SGCD: variants seen among roughly 807,000 people sequenced by gnomAD.
SGCD encodes delta-sarcoglycan.
Under a neutral mutation model 36.6 loss-of-function variants are expected in SGCD, and 18 were observed. The ratio of observed to expected loss-of-function variants is 0.49; its 90% CI spans 0.34 to 0.73. The LOEUF is 0.73. Ranked by LOEUF, SGCD falls within the 30% of genes least tolerant of loss-of-function variation. The pLI is 0.01. For missense variants in SGCD, 387 were observed against 346.7 expected (o/e 1.12, Z -0.92); for synonymous variants, 133 against 130.6 (o/e 1.02, Z -0.12).
chr5:156,308,910 T>C (rs1415915406), intron 3 of SGCD, among the ~76,000 whole-genome samples: 1 of 152,236 alleles, frequency 6.6e-6, no homozygotes, highest in Non-Finnish European at 1.5e-5. Context: ...CACTTTTAAA[T>C]GGCAGATTTG....
intron 1 of SGCD, among the ~76,000 whole-genome samples, chr5:156,017,186 G>T (rs928359350): frequency 6.6e-6 from 1 of 152,132 alleles, no homozygotes; most frequent in Admixed American, 6.5e-5. Context: ...TTTGTAAAGT[G>T]TCTTGCCTGC....
rs547511075 is a variant in SGCD, at chr5:156,108,068, C to T, written c.-281-9810C>T. The stretch of plus-strand genomic sequence containing the variant: ...GAATGAAGTACATTGTCTAATTTGA[C>T]GAGTTGGTATATTGTTGGCCATTTA... On this transcript the variant is annotated intron_variant, in intron 1 of 9. Transcript: ENST00000517913. Among the ~76,000 whole-genome samples, 11 of 152,162 alleles carry T rather than the reference C, an allele frequency of 7.2e-5. No homozygotes were observed. In the South Asian group the frequency reaches 1.2e-3, roughly 17 times the overall value.
intron 1 of SGCD, among the ~76,000 whole-genome samples, chr5:156,046,548 CA>C (rs552528189): frequency 1.1e-4 from 16 of 152,060 alleles, no homozygotes; most frequent in Non-Finnish European, 2.1e-4. Flanking sequence ...AAAATCTTTT[CA>C]GTACTATTTT....
chr5:156,556,773 T>C lies in SGCD; in HGVS notation c.295-32458T>C, dbSNP rs1191618805. Among the ~76,000 whole-genome samples the C allele has an allele frequency of 3.3e-5, 5 of 152,202 alleles. No homozygotes were observed. The East Asian group carries it at 9.6e-4, about 29-fold the overall frequency. On this transcript the variant is annotated intron_variant, in intron 4 of 8. Coordinates refer to ENST00000337851, the MANE Select transcript of SGCD (RefSeq NM_000337.6). Reference sequence around the variant, plus strand: ...AGGCTTTTCTTAAACATTTTCTTTATTGATGGACAACTATGTAAATCAGCA... The same window carrying C: ...AGGCTTTTCTTAAACATTTTCTTTACTGATGGACAACTATGTAAATCAGCA...
chr5:156,211,559 G>T (rs941684499), intron 3 of SGCD, among the ~76,000 whole-genome samples: 1 of 148,420 alleles, frequency 6.7e-6, no homozygotes, highest in Non-Finnish European at 1.5e-5. Context: ...AGTGAGCCGA[G>T]ATCGTGCCAC....
chr5:156,654,344 G>T (rs1026973859), intron 7 of SGCD, among the ~76,000 whole-genome samples: 2 of 152,130 alleles, frequency 1.3e-5, no homozygotes. Context: ...TCTGCCAAAT[G>T]ATTCTCTTTG....
At chr5:156,306,405 G>C (rs1051953210) in intron 3 of SGCD, among the ~76,000 whole-genome samples, 2 of 152,158 alleles carry the variant, frequency 1.3e-5, no homozygotes, top group Non-Finnish European at 1.5e-5. Flanking sequence ...CTTGCCTTCT[G>C]CTGTGATTGT....
At chr5:156,538,589 C>A (rs1758217959) in intron 4 of SGCD, among the ~76,000 whole-genome samples, 1 of 151,950 alleles carries the variant, frequency 6.6e-6, no homozygotes, top group Non-Finnish European at 1.5e-5. Context: ...ATTAAGACAC[C>A]TTCATTTCTT....
At chr5:156,541,937 A>G (rs1370431930) in intron 4 of SGCD, among the ~76,000 whole-genome samples, 2 of 152,172 alleles carry the variant, frequency 1.3e-5, no homozygotes, top group African/African-American at 4.8e-5. Flanking sequence ...ATAATGCCAT[A>G]CAACTTGGCA....
At chr5:156,214,198 C>T (rs1285936706) in intron 3 of SGCD, among the ~76,000 whole-genome samples, 3 of 151,882 alleles carry the variant, frequency 2.0e-5, no homozygotes, top group Admixed American at 6.6e-5. Flanking sequence ...TCTTAATACA[C>T]AGAAAACCCT....
At chr5:156,412,787 CTTTTTTTTTT>C (rs35464853) in intron 3 of SGCD, among the ~76,000 whole-genome samples, 1 of 105,032 alleles carries the variant, frequency 9.5e-6, no homozygotes, top group Non-Finnish European at 1.9e-5. Flanking sequence ...AGGGTTGGTT[CTTTTTTTTTT>C]TTTTTTTTTG....
At chr5:156,446,551 T>A (rs917905519) in intron 3 of SGCD, among the ~76,000 whole-genome samples, 1 of 152,148 alleles carries the variant, frequency 6.6e-6, no homozygotes, top group Non-Finnish European at 1.5e-5. Flanking sequence ...TACAATGTGT[T>A]TTGTGATTTC....
chr5:156,062,535 T>A (rs1581071748), intron 1 of SGCD, among the ~76,000 whole-genome samples: 1 of 115,350 alleles, frequency 8.7e-6, no homozygotes, highest in Non-Finnish European at 1.8e-5. Context: ...TTGAACTAGT[T>A]TACAGTCCCA....
At chr5:155,825,736 T>G in the SGCD span, among the ~76,000 whole-genome samples, 307 of 142,342 alleles carry the variant, frequency 2.2e-3, 2 homozygotes, top group African/African-American at 7.0e-3. Flanking sequence ...TTGTTTTTTT[T>G]TTTTTGTTGT....
In SGCD at chr5:156,612,551, G is replaced by A. The variant is rs71591064; in HGVS notation, c.502+17500G>A. On this transcript the variant is annotated intron_variant, in intron 6 of 8. Transcript: ENST00000337851. ...GGACATGTGCAGGTACAGCAAGTCA[G>A]CCAGCTGTGTGTCACCTTCCCCACT... Among the ~76,000 whole-genome samples the A allele has an allele frequency of 7.9e-3, 1,211 of 152,368 alleles. 11 individuals carry two copies. Among genetic ancestry groups the A allele is most frequent in the Non-Finnish European group, 0.01 (683 of 68,026 alleles).
At chr5:156,446,609 T>C (rs887950179) in intron 3 of SGCD, among the ~76,000 whole-genome samples, 2 of 152,142 alleles carry the variant, frequency 1.3e-5, no homozygotes, top group African/African-American at 4.8e-5. Context: ...AGGCAACCAT[T>C]CAAAAACAGC....
chr5:156,680,898 G>A (rs1244714462), intron 7 of SGCD, among the ~76,000 whole-genome samples: 4 of 152,136 alleles, frequency 2.6e-5, no homozygotes, highest in East Asian at 1.9e-4. Flanking sequence ...GGAGTGACTC[G>A]TTTCACTCAG....
chr5:156,693,202 A>G (rs1307379798), intron 7 of SGCD, among the ~76,000 whole-genome samples: 1 of 152,218 alleles, frequency 6.6e-6, no homozygotes, highest in Non-Finnish European at 1.5e-5. Context: ...TTTCTACTCA[A>G]GCTGTGTTTG....
chr5:156,220,759 C>G (rs973519399), intron 3 of SGCD, among the ~76,000 whole-genome samples: 4 of 152,126 alleles, frequency 2.6e-5, no homozygotes, highest in Admixed American at 1.3e-4. Context: ...CCACCTTTTC[C>G]TGCAACATTT....
Sources: allele counts gnomAD v4.1 joint callset (sites outside exome capture counted in the v4.1 genomes callset), GRCh38; gene constraint gnomAD v4.1.1; transcripts MANE v1.5; gene names NCBI Gene and HGNC (gene_info 2026-07-23, HGNC 2026-07-21).